HERC2: variants seen among roughly 807,000 people sequenced by gnomAD.
HERC2 encodes E3 ubiquitin-protein ligase HERC2.
Under a neutral mutation model 537.7 loss-of-function variants are expected in HERC2, and 102 were observed. That is an observed-to-expected ratio of 0.19 (90% confidence interval 0.16 to 0.22). HERC2 has a LOEUF of 0.22. Ranked by LOEUF, HERC2 falls within the 10% of genes least tolerant of loss-of-function variation. The probability of loss-of-function intolerance (pLI) is 1.00; values close to 1 mark genes in which losing one functional copy is unlikely to be tolerated. For missense variants in HERC2, 4,236 were observed against 6,198.2 expected (o/e 0.68, Z 10.63); for synonymous variants, 2,224 against 2,466.2 (o/e 0.90, Z 2.91).
chr15:28,158,446 A>G (rs1893236097), intron 69 of HERC2, among the ~76,000 whole-genome samples: 1 of 152,110 alleles, frequency 6.6e-6, no homozygotes, highest in Non-Finnish European at 1.5e-5. Context: ...GATATTTAGG[A>G]TAGTTAGTTC....
intron 70 of HERC2, among the ~76,000 whole-genome samples, chr15:28,147,782 T>G: frequency 6.6e-6 from 1 of 152,034 alleles, no homozygotes. Flanking sequence ...CCTGTAACGA[T>G]CTCAACACTT....
intron 24 of HERC2, 55 bp downstream of exon 24, chr15:28,238,547 C>T: frequency 6.9e-7 from 1 of 1,440,198 alleles, no homozygotes; most frequent in Non-Finnish European, 9.7e-7. Context: ...AAATACTCTG[C>T]TTAAAATGAT....
chr15:28,232,594 T>C (rs919329106), intron 30 of HERC2, among the ~76,000 whole-genome samples: 19 of 152,194 alleles, frequency 1.2e-4, no homozygotes, highest in African/African-American at 4.6e-4. Flanking sequence ...CTGTAGTTTA[T>C]TTATAATCAC....
At chr15:28,160,539 G>A (rs1217180967) in intron 69 of HERC2, among the ~76,000 whole-genome samples, 3 of 152,198 alleles carry the variant, frequency 2.0e-5, no homozygotes, top group South Asian at 2.1e-4. Flanking sequence ...AGCCAGGCGC[G>A]AGATATAATC....
chr15:28,298,058 T>A lies in HERC2; in HGVS notation c.187+1344A>T, dbSNP rs958226299. Among the ~76,000 whole-genome samples the A allele has an allele frequency of 6.0e-5, 9 of 150,260 alleles. No homozygotes were observed. In the Admixed American group the frequency reaches 6.0e-4, roughly 10 times the overall value. On this transcript the variant is annotated intron_variant, in intron 3 of 92. Coordinates refer to ENST00000261609, the MANE Select transcript of HERC2 (RefSeq NM_004667.6). ...GTGTGTGAATATTTTCAAACAAATA[T>A]AAAAAATAAATTAAAATAAAAACAC...
At chr15:28,242,412 C>G (rs1567060379) in intron 23 of HERC2, among the ~76,000 whole-genome samples, 1 of 152,212 alleles carries the variant, frequency 6.6e-6, no homozygotes, top group East Asian at 1.9e-4. Context: ...TGTTTTCCTA[C>G]TACTGGATCC....
chr15:28,215,634 G>A lies in HERC2; in HGVS notation c.6197C>T (p.Ser2066Leu), dbSNP rs765479568. 8.1e-6 allele frequency: 13 copies of A among 1,607,884 alleles called. No individual in the cohort carries two copies. Among genetic ancestry groups the A allele is most frequent in the African/African-American group, 1.3e-5 (1 of 74,850 alleles). ...GCAGCACATTACCTGCCTCTGCAGC[G>A]AGGTGGCAGTGAAGGGTGCGTGCCC... ...VEGHAPFTAT[S>L]LQRQILAVHL... is the part of the protein sequence containing the mutation. Residue 2066 changes from serine to leucine, a missense_variant, in exon 39 of 93, where the codon TCG becomes TTG. By Grantham distance (145) the Ser-to-Leu change is moderately radical. This residue lies in a region of HERC2 where 365 missense variants were observed against 468.8 expected (regional missense o/e 0.78). Coordinates refer to ENST00000261609, the MANE Select transcript of HERC2 (RefSeq NM_004667.6).
chr15:28,248,882 C>T (rs1376529156), intron 20 of HERC2, 146 bp from the exon 21 acceptor site: 2 of 658,376 alleles, frequency 3.0e-6, no homozygotes, highest in Non-Finnish European at 5.1e-6. Context: ...CAAGTGTGTC[C>T]AATGTATCTG....
In HERC2 at chr15:28,124,068, G is replaced by C. The variant is rs374904521; in HGVS notation, c.13157C>G (p.Thr4386Ser). ...CTGGGATATCAGAATTCCTCGGAGAGTGTCGAACCCAACAGAAGGCCCGAG... is the reference window on the plus strand; with the variant it reads ...CTGGGATATCAGAATTCCTCGGAGACTGTCGAACCCAACAGAAGGCCCGAG... ...TGLGPSVGFDTLRGILISQGK... is the reference protein window; with the variant it reads ...TGLGPSVGFDSLRGILISQGK... The change falls in exon 85 of 93, where the codon ACT becomes AGT. Residue 4386 changes from threonine (T) to serine (S), a missense_variant. Physicochemically the swap from Thr to Ser is moderately conservative, Grantham distance 58. This residue lies in a region of HERC2 where 189 missense variants were observed against 255.7 expected (regional missense o/e 0.74). Transcript: ENST00000261609. 1 of 1,604,220 alleles carries C rather than the reference G, an allele frequency of 6.2e-7. No individual in the cohort carries two copies. Among genetic ancestry groups the C allele is most frequent in the Admixed American group, 1.7e-5 (1 of 58,390 alleles).
chr15:28,313,506 G>A (rs2077001853), intron 2 of HERC2, among the ~76,000 whole-genome samples: 1 of 152,060 alleles, frequency 6.6e-6, no homozygotes, highest in South Asian at 2.1e-4. Flanking sequence ...GAACTATAGA[G>A]TCAGGCAATA....
intron 85 of HERC2, 82 bp downstream of exon 85, chr15:28,123,955 T>G: frequency 1.1e-5 from 13 of 1,147,808 alleles, no homozygotes; most frequent in Non-Finnish European, 1.6e-5. Flanking sequence ...CTATGTGTTC[T>G]ATTCCCAGTA....
At chr15:28,223,919 G>T (rs1900798752) in intron 35 of HERC2, among the ~76,000 whole-genome samples, 1 of 151,762 alleles carries the variant, frequency 6.6e-6, no homozygotes, top group South Asian at 2.1e-4. Context: ...TGCTGTGATT[G>T]TTACTTATTG....
chr15:28,237,412 G>A (rs553364042), intron 25 of HERC2, among the ~76,000 whole-genome samples: 1 of 152,330 alleles, frequency 6.6e-6, no homozygotes, highest in Non-Finnish European at 1.5e-5. Flanking sequence ...CAAAGTGACT[G>A]TACACCATGC....
chr15:28,223,280 G>A (rs1900723858), intron 35 of HERC2, among the ~76,000 whole-genome samples: 1 of 152,150 alleles, frequency 6.6e-6, no homozygotes, highest in African/African-American at 2.4e-5. Flanking sequence ...ACTGAGAGGG[G>A]GTAGGAGTGT....
chr15:28,133,139 TAA>T (rs58617687), intron 79 of HERC2, among the ~76,000 whole-genome samples: 46 of 138,918 alleles, frequency 3.3e-4, no homozygotes, highest in African/African-American at 2.6e-4. Context: ...TTAACGGGTT[TAA>T]AAAAAAAAAA....
chr15:28,304,985 G>A (rs1220734162), intron 2 of HERC2, among the ~76,000 whole-genome samples: 5 of 149,242 alleles, frequency 3.4e-5, no homozygotes, highest in East Asian at 3.9e-4. Flanking sequence ...TTATTCTTGC[G>A]ATAGTTTACT....
intron 69 of HERC2, among the ~76,000 whole-genome samples, chr15:28,159,976 T>C (rs1036002419): frequency 1.3e-5 from 2 of 152,248 alleles, no homozygotes; most frequent in African/African-American, 2.4e-5. Context: ...TGCAGGTCTG[T>C]TGGAGTTTGC....
At chr15:28,282,876 G>A (rs182546543) in intron 4 of HERC2, among the ~76,000 whole-genome samples, 9 of 151,854 alleles carry the variant, frequency 5.9e-5, no homozygotes, top group Admixed American at 3.9e-4. Flanking sequence ...CGGTTGCAGT[G>A]AGCCGAGAAC....
intron 2 of HERC2, among the ~76,000 whole-genome samples, chr15:28,310,692 G>T (rs1314537063): frequency 6.6e-6 from 1 of 152,072 alleles, no homozygotes; most frequent in African/African-American, 2.4e-5. Flanking sequence ...TGCTCCAGGA[G>T]TTTCAGACTA....
Sources: gnomAD v4.1 joint callset for allele counts (sites outside exome capture counted in the v4.1 genomes callset) on GRCh38, gnomAD v4.1.1 for gene constraint, gnomAD v4.1.1 regional missense constraint, MANE v1.5 for transcripts, NCBI Gene and HGNC (gene_info 2026-07-23, HGNC 2026-07-21) for gene names.